The following USP16 variants were observed in gnomAD, a reference collection of about 807,000 sequenced individuals.
The protein encoded by USP16 is ubiquitin specific peptidase 16, also known as ubiquitin carboxyl-terminal hydrolase 16.
In USP16, 77 loss-of-function variants were observed where a neutral mutation model predicts 95.9. That is an observed-to-expected ratio of 0.80 (90% CI 0.67 to 0.97). The LOEUF (loss-of-function observed/expected upper bound fraction) is 0.97, where lower values mean the gene tolerates loss of function less well. Among genes scored for constraint, USP16 ranks in the 50% least tolerant of loss-of-function variants. The pLI is 0.00. For missense variants in USP16, 943 were observed against 959.9 expected, an observed-to-expected ratio of 0.98 and a Z score of 0.23; for synonymous variants, 303 against 318.2, an observed-to-expected ratio of 0.95 and a Z score of 0.51.
At chr21:29,049,633 C>T (rs2085383619) in intron 15 of USP16, among the ~76,000 whole-genome samples, 1 of 152,168 alleles carries the variant, frequency 6.6e-6, no homozygotes, top group Non-Finnish European at 1.5e-5. Flanking sequence ...GATCATGGCT[C>T]ACTGAAGGTT....
chr21:29,030,754 G>C lies in USP16; in HGVS notation c.221G>C (p.Cys74Ser). Residue 74 changes from cysteine (C) to serine (S), a missense_variant, in exon 3 of 18, where the codon TGT (cysteine) becomes TCT (serine). Coordinates refer to ENST00000399976, the MANE Select transcript of USP16 (RefSeq NM_006447.3). The stretch of plus-strand genomic sequence containing the variant: ...GAAGAAAAGCCTTCAGTTTGGCTGT[G>C]TCTTAAATGTGGCCATCAGGTATGC... ...ETEEKPSVWLCLKCGHQGCGR... is the reference protein window; with the variant it reads ...ETEEKPSVWLSLKCGHQGCGR... The C allele has an allele frequency of 6.2e-7, 1 of 1,606,546 alleles. No individual in the cohort carries two copies. Among genetic ancestry groups the C allele is most frequent in the Non-Finnish European group, 8.5e-7 (1 of 1,177,960 alleles).
Position 29,027,949 on chromosome 21 carries a change from A to T in USP16, c.36A>T (p.Pro12=). The change falls in exon 2 of 18, where the codon CCA becomes CCT. Residue 12 remains proline, a synonymous_variant. Coordinates refer to ENST00000399976, the MANE Select transcript of USP16 (RefSeq NM_006447.3). ...GKKRTKGKTV[P]IDDSSETLEP... ...AACGGACAAAGGGAAAAACTGTTCC[A>T]ATCGATGATTCCTCTGAAACTTTAG... 1 of 1,613,554 alleles carries T rather than the reference A, an allele frequency of 6.2e-7. No individual in the cohort carries two copies. Among genetic ancestry groups the T allele is most frequent in the South Asian group, 1.1e-5 (1 of 91,054 alleles).
chr21:29,028,245 T>G (rs917783088), intron 2 of USP16, among the ~76,000 whole-genome samples: 2 of 149,612 alleles, frequency 1.3e-5, no homozygotes, highest in African/African-American at 4.9e-5. Context: ...TGCCTCAGCC[T>G]CTGAGTAGCT....
intron 10 of USP16, 70 bp from the exon 11 acceptor site, chr21:29,041,943 T>G: frequency 7.5e-7 from 1 of 1,329,466 alleles, no homozygotes; most frequent in Non-Finnish European, 1.1e-6. Flanking sequence ...AGGTAAGTAG[T>G]TTTAGCTTTT....
At chr21:29,036,199 A>G (rs1284308256) in intron 4 of USP16, 72 bp from the exon 5 acceptor site, 2 of 1,290,908 alleles carry the variant, frequency 1.5e-6, no homozygotes, top group East Asian at 2.4e-5. Context: ...CTTTGATTCC[A>G]GGAATTATTA....
intron 4 of USP16, 114 bp from the exon 5 acceptor site, chr21:29,036,157 T>C: frequency 3.7e-6 from 3 of 819,252 alleles, no homozygotes; most frequent in Non-Finnish European, 5.7e-6. Context: ...TTACGTTCGG[T>C]TTCTTTAATA....
Position 29,043,541 on chromosome 21 carries a change from C to T in USP16, c.1298C>T (p.Ser433Phe). The change falls in exon 13 of 18, where the codon TCT (serine) becomes TTT (phenylalanine). Residue 433 changes from serine to phenylalanine, a missense_variant. Ser to Phe is a radical substitution (Grantham distance 155). Transcript: ENST00000399976. ...SYIKERSDIPSGTSKHLQKKA... is the reference protein window; with the variant it reads ...SYIKERSDIPFGTSKHLQKKA... Reference sequence around the variant, plus strand: ...ATAAAAGAGAGAAGTGATATTCCTTCTGGAACAAGTAAGCACTTACAGAAA... The same window carrying T: ...ATAAAAGAGAGAAGTGATATTCCTTTTGGAACAAGTAAGCACTTACAGAAA... 1 of 1,598,184 alleles carries T rather than the reference C, an allele frequency of 6.3e-7. No individual in the cohort carries two copies. Among genetic ancestry groups the T allele is most frequent in the Non-Finnish European group, 8.5e-7 (1 of 1,174,032 alleles).
At chr21:29,038,001 G>A (rs1405873053) in intron 6 of USP16, among the ~76,000 whole-genome samples, 1 of 152,208 alleles carries the variant, frequency 6.6e-6, no homozygotes, top group Non-Finnish European at 1.5e-5. Flanking sequence ...GCACTTGGGT[G>A]GAGGAAACAC....
intron 1 of USP16, 183 bp downstream of exon 1, chr21:29,024,960 C>T: frequency 1.8e-6 from 1 of 562,082 alleles, no homozygotes; most frequent in South Asian, 2.2e-5. Flanking sequence ...CAGAAGCTGG[C>T]CAATGAGATG....
At chr21:29,038,267 C>A in intron 6 of USP16, 68 bp from the exon 7 acceptor site, 2 of 1,067,850 alleles carry the variant, frequency 1.9e-6, no homozygotes, top group East Asian at 2.4e-5. Flanking sequence ...AGAATAGACA[C>A]TTAAGAAGTG....
chr21:29,045,275 T>C (rs919426512), intron 13 of USP16, among the ~76,000 whole-genome samples: 1 of 152,204 alleles, frequency 6.6e-6, no homozygotes, highest in Non-Finnish European at 1.5e-5. Context: ...CAGAGTAGCC[T>C]CACAGGGGCT....
rs2085458543 is a variant in USP16 at position 29,054,102 on chromosome 21, T to A, written c.2387T>A (p.Ile796Asn). ...GAATCAAAAGGGCAGTGGTTTCACA[T>A]CAGCGACACACATGTGCAAGCTGTG... ...EMESKGQWFH[I>N]SDTHVQAVPT... is the part of the protein sequence containing the mutation. The change falls in exon 18 of 18, where the codon ATC becomes AAC. Residue 796 changes from isoleucine (I) to asparagine (N), a missense_variant. Physicochemically the swap from Ile to Asn is moderately radical, Grantham distance 149. Transcript: ENST00000399976. The A allele has an allele frequency of 6.2e-7, 1 of 1,614,148 alleles. No homozygotes were observed. The highest frequency in any genetic ancestry group is 8.5e-7 in the Non-Finnish European group (1 of 1,180,052).
chr21:29,045,271 A>T (rs2085305857), intron 13 of USP16, among the ~76,000 whole-genome samples: 1 of 152,174 alleles, frequency 6.6e-6, no homozygotes, highest in Admixed American at 6.5e-5. Context: ...ATTACAGAGT[A>T]GCCTCACAGG....
At chr21:29,037,534 A>T in intron 6 of USP16, 71 bp downstream of exon 6, 1 of 1,006,030 alleles carries the variant, frequency 9.9e-7, no homozygotes, top group Non-Finnish European at 1.3e-6. Flanking sequence ...TACATTATTG[A>T]GTTTTTTCCA....
In USP16 at chr21:29,046,963, T is replaced by A. The variant is rs141252862; in HGVS notation, c.1653T>A (p.Ser551=). Residue 551 remains serine, a synonymous_variant, in exon 14 of 18, where the codon TCT becomes TCA. Coordinates refer to ENST00000399976, the MANE Select transcript of USP16 (RefSeq NM_006447.3). ...NMDNDLEVLT[S]SPTRNLNGAY... ...ATAATGATCTGGAGGTTTTAACATC[T>A]TCTCCCACTAGGAATTTAAATGGTG... The A allele has an allele frequency of 1.8e-3, 2,842 of 1,614,148 alleles. 6 individuals are homozygous for A. The highest frequency in any genetic ancestry group is 2.0e-3 in the Non-Finnish European group (2,385 of 1,180,012).
chr21:29,037,496 T>C (rs375716738), intron 6 of USP16, 33 bp downstream of exon 6: 24 of 1,480,050 alleles, frequency 1.6e-5, no homozygotes, highest in Middle Eastern at 1.8e-4. Context: ...TTAAAAAAGC[T>C]GTCCTTTTCC....
At chr21:29,040,075 T>A (rs2085220862) in intron 9 of USP16, among the ~76,000 whole-genome samples, 1 of 152,210 alleles carries the variant, frequency 6.6e-6, no homozygotes. Flanking sequence ...TAACTAATAT[T>A]TATTTCGCAC....
chr21:29,031,717 G>C (rs1277753225), intron 3 of USP16, among the ~76,000 whole-genome samples: 1 of 152,204 alleles, frequency 6.6e-6, no homozygotes, highest in Admixed American at 6.5e-5. Context: ...AGGAATACAG[G>C]CGTGAGCCAC....
At chr21:29,052,033 G>T (rs926112626) in intron 16 of USP16, 1 of 152,150 alleles carries the variant, frequency 6.6e-6, no homozygotes, top group African/African-American at 2.4e-5. Flanking sequence ...GTTTTGTGAT[G>T]AATTGGATAT....
Sources: allele counts gnomAD v4.1 joint callset (sites outside exome capture counted in the v4.1 genomes callset), GRCh38; gene constraint gnomAD v4.1.1; transcripts MANE v1.5; gene names NCBI Gene and HGNC (gene_info 2026-07-23, HGNC 2026-07-21).